Variants in SVOPL observed in about 807,000 individuals in gnomAD.
The protein encoded by SVOPL is putative transporter SVOPL.
Under a neutral mutation model 61.0 loss-of-function variants are expected in SVOPL, and 60 were observed. The ratio of observed to expected loss-of-function variants is 0.98; its 90% CI spans 0.80 to 1.22. The LOEUF is 1.22. SVOPL is among the 50% of genes most tolerant of loss of function. SVOPL has a pLI of 0.00. For missense variants in SVOPL, 662 were observed against 643.9 expected (o/e 1.03, Z -0.30); for synonymous variants, 279 against 250.0 (o/e 1.12, Z -1.09).
intron 8 of SVOPL, among the ~76,000 whole-genome samples, chr7:138,647,123 C>T (rs949557654): frequency 6.6e-6 from 1 of 152,206 alleles, no homozygotes; most frequent in Admixed American, 6.5e-5. Flanking sequence ...CACCTGCAAT[C>T]CCAGCACTTT....
chr7:138,632,150 G>A (rs539496941), intron 9 of SVOPL, among the ~76,000 whole-genome samples: 2 of 152,202 alleles, frequency 1.3e-5, no homozygotes, highest in African/African-American at 4.8e-5. Context: ...GTCTGTGGAG[G>A]GCCAGACACG....
chr7:138,620,987 G>A, intron 14 of SVOPL, 59 bp downstream of exon 14: 1 of 1,478,452 alleles, frequency 6.8e-7, no homozygotes, highest in Non-Finnish European at 9.4e-7. Flanking sequence ...GAAGGTCCCT[G>A]GGTTCCTCTT....
At chr7:138,606,522 G>C (rs763700697) in intron 14 of SVOPL, among the ~76,000 whole-genome samples, 14 of 152,220 alleles carry the variant, frequency 9.2e-5, no homozygotes, top group Middle Eastern at 3.4e-3. Context: ...AGCCCACTGT[G>C]GACATGTCTG....
At position 138,678,447 on chromosome 7, in the gene SVOPL, A is replaced by G. The variant is rs963158896; in HGVS notation, c.161T>C (p.Met54Thr). 1.9e-6 allele frequency: 3 copies of G among 1,551,858 alleles called. No homozygotes were observed. The highest frequency in any genetic ancestry group is 2.4e-5 in the South Asian group (2 of 84,056). The stretch of plus-strand genomic sequence containing the variant: ...AGGAGCACTCACCCCAGTACTGCCC[A>G]TGATCAGAAAGAGGGCAATGTGGAA... ...GRFHIALFLI[M>T]GSTGVVEAME... Residue 54 changes from methionine to threonine, a missense_variant, in exon 3 of 16, where the codon ATG becomes ACG. Physicochemically the swap from Met to Thr is moderately conservative, Grantham distance 81. Coordinates refer to ENST00000674285, the MANE Select transcript of SVOPL (RefSeq NM_001139456.2).
At chr7:138,642,866 TTAATAA>T in intron 9 of SVOPL, among the ~76,000 whole-genome samples, 1 of 141,844 alleles carries the variant, frequency 7.1e-6, no homozygotes, top group South Asian at 2.2e-4. Flanking sequence ...AACAAAATTT[TTAATAA>T]TAATATATAT....
At chr7:138,605,727 T>C (rs1482197337) in intron 14 of SVOPL, among the ~76,000 whole-genome samples, 6 of 150,914 alleles carry the variant, frequency 4.0e-5, no homozygotes, top group African/African-American at 1.2e-4. Flanking sequence ...CCAGTCACCA[T>C]CCATTTATGA....
intron 13 of SVOPL, among the ~76,000 whole-genome samples, chr7:138,621,676 A>T (rs1584791685): frequency 6.6e-6 from 1 of 151,920 alleles, no homozygotes; most frequent in Non-Finnish European, 1.5e-5. Context: ...ACCCACCTCA[A>T]CCTCCCAAAG....
chr7:138,630,857 C>G (rs890535168), intron 9 of SVOPL, among the ~76,000 whole-genome samples: 1 of 150,636 alleles, frequency 6.6e-6, no homozygotes, highest in African/African-American at 2.4e-5. Flanking sequence ...GCAGGAGAAT[C>G]ACTTGAACCC....
intron 6 of SVOPL, 142 bp from the exon 7 acceptor site, chr7:138,656,653 C>A: frequency 1.2e-6 from 1 of 820,790 alleles, no homozygotes; most frequent in Non-Finnish European, 1.9e-6. Flanking sequence ...ATTATGACAG[C>A]TAATATCCAC....
intron 14 of SVOPL, among the ~76,000 whole-genome samples, chr7:138,600,751 A>G (rs886143829): frequency 6.6e-6 from 1 of 151,682 alleles, no homozygotes; most frequent in Non-Finnish European, 1.5e-5. Context: ...AACCTCACTG[A>G]TCATCAGGAA....
intron 3 of SVOPL, among the ~76,000 whole-genome samples, chr7:138,672,682 ATGGGATCTCACTATGTTGCCCAGGCTGG>A (rs1489408458): frequency 1.5e-4 from 23 of 150,332 alleles, no homozygotes; most frequent in African/African-American, 5.2e-4. Flanking sequence ...AAAAGAAGCA[ATGGGATCTCACTATGTTGCCCAGGCTGG>A]AAACTCCTGG....
chr7:138,638,624 T>TA (rs1277467840), intron 9 of SVOPL, among the ~76,000 whole-genome samples: 3 of 142,996 alleles, frequency 2.1e-5, no homozygotes, highest in East Asian at 2.1e-4. Context: ...GTTGAAATTA[T>TA]AAAAAAACAA....
chr7:138,635,937 A>T (rs1395872148), intron 9 of SVOPL, among the ~76,000 whole-genome samples: 1 of 152,160 alleles, frequency 6.6e-6, no homozygotes, highest in East Asian at 1.9e-4. Flanking sequence ...ATAGAAAAAT[A>T]TATATACATT....
In SVOPL at chr7:138,627,221, A is replaced by G. The variant is rs1386889498; in HGVS notation, c.1181+129T>C. The G allele has an allele frequency of 7.7e-6, 5 of 650,144 alleles. No homozygotes were observed. The South Asian group carries it at 9.7e-5, about 13-fold the overall frequency. 40.3% of individuals were successfully genotyped at this position (650,144 alleles called of 1,614,324 possible). A position where few individuals can be genotyped will look rare whatever the true frequency, so the allele number is the denominator to read the frequency against. On this transcript the variant is annotated intron_variant, in intron 12 of 15. Coordinates refer to ENST00000674285, the MANE Select transcript of SVOPL (RefSeq NM_001139456.2). ...GGGAACAGGCAAGACCATTCTAGTCAAGCAAGCAGCCCATTCTCTACTCTC... is the reference window on the plus strand; with the variant it reads ...GGGAACAGGCAAGACCATTCTAGTCGAGCAAGCAGCCCATTCTCTACTCTC...
chr7:138,649,138 C>T lies in SVOPL; in HGVS notation c.535-1G>A, dbSNP rs746934479. ...GCAGGGAGCCCGCAAGCCAGAACAC[C>T]TAGGAAGAGAGAAGTCCAGGATTAA... is the stretch of plus-strand genomic sequence containing the variant. On this transcript the variant is annotated splice_acceptor_variant, in intron 7 of 15. Coordinates refer to ENST00000674285, the MANE Select transcript of SVOPL (RefSeq NM_001139456.2). LOFTEE classifies it high-confidence loss of function. 6.2e-7 allele frequency: 1 copy of T among 1,609,230 alleles called. No homozygotes were observed.
chr7:138,664,803 C>T (rs1329448025), intron 4 of SVOPL, among the ~76,000 whole-genome samples: 30 of 136,062 alleles, frequency 2.2e-4, no homozygotes, highest in Non-Finnish European at 4.3e-4. Flanking sequence ...TCTTCCTCCT[C>T]CGCCACCCCG....
chr7:138,700,903 T>C (rs1803181887), intron 1 of SVOPL, among the ~76,000 whole-genome samples: 2 of 152,246 alleles, frequency 1.3e-5, no homozygotes, highest in Non-Finnish European at 2.9e-5. Flanking sequence ...GAGTTCAAGC[T>C]TCATTAAAAC....
intron 5 of SVOPL, chr7:138,661,360 T>C: frequency 3.0e-6 from 3 of 985,438 alleles, no homozygotes; most frequent in Non-Finnish European, 3.6e-6. Flanking sequence ...GTCCACACTC[T>C]AATATGTTTT....
chr7:138,623,064 C>A (rs768118446), intron 13 of SVOPL, among the ~76,000 whole-genome samples: 11 of 152,198 alleles, frequency 7.2e-5, no homozygotes, highest in Non-Finnish European at 1.6e-4. Context: ...AAGCAAGATG[C>A]TTTCCGCCTC....
Sources: gnomAD v4.1 joint callset for allele counts (sites outside exome capture counted in the v4.1 genomes callset) on GRCh38, gnomAD v4.1.1 for gene constraint, MANE v1.5 for transcripts, NCBI Gene and HGNC (gene_info 2026-07-23, HGNC 2026-07-21) for gene names.